Variants in TCN1 observed in about 807,000 individuals in gnomAD.
TCN1 encodes transcobalamin 1.
Under a neutral mutation model 46.3 loss-of-function variants are expected in TCN1, and 47 were observed. The ratio of observed to expected loss-of-function variants is 1.01; its 90% CI spans 0.80 to 1.29. The LOEUF (loss-of-function observed/expected upper bound fraction) is 1.29, where lower values mean the gene tolerates loss of function less well. TCN1 is among the 50% of genes most tolerant of loss of function. The pLI, the probability that TCN1 is intolerant of heterozygous loss-of-function variation, is 0.00. For synonymous variants in TCN1, 183 were observed against 192.5 expected (o/e 0.95, Z 0.41); for missense variants, 532 against 511.0 (o/e 1.04, Z -0.40).
chr11:59,855,269 A>G (rs909027657), intron 6 of TCN1, among the ~76,000 whole-genome samples: 4 of 152,146 alleles, frequency 2.6e-5, no homozygotes, highest in Non-Finnish European at 4.4e-5. Context: ...ACAAAAACCT[A>G]TGTTAGGTAC....
At position 59,866,394 on chromosome 11, in the gene TCN1, C is replaced by T; in HGVS notation, c.77G>A (p.Cys26Tyr). 1.2e-6 allele frequency: 2 copies of T among 1,613,388 alleles called. No homozygotes were observed. Among genetic ancestry groups the T allele is most frequent in the South Asian group, 1.1e-5 (1 of 91,070 alleles). ...SFIPSQLCEI[C>Y]EVSEENYIRL... ...ATTTTAGCTCAAAGTTTACTCACCA[C>T]AAATCTCGCATAGTTGGCTTGGAAT... The change falls in exon 1 of 9, where the codon TGT becomes TAT. Residue 26 changes from cysteine (C) to tyrosine (Y), a missense_variant and splice_region_variant. Transcript: ENST00000257264.
In TCN1 at chr11:59,855,910, A is replaced by G; in HGVS notation, c.896T>C (p.Phe299Ser). 6.2e-7 allele frequency: 1 copy of G among 1,613,866 alleles called. No individual in the cohort carries two copies. Among genetic ancestry groups the G allele is most frequent in the Non-Finnish European group, 8.5e-7 (1 of 1,179,804 alleles). The stretch of plus-strand genomic sequence containing the variant: ...AGAAGAGTCTTTGTTAATATCCAAG[A>G]AGGTCTTTCCCATCAGGGCAGGTAA... ...QVLPALMGKT[F>S]LDINKDSSCV... Residue 299 changes from phenylalanine (F) to serine (S), a missense_variant, in exon 6 of 9, where the codon TTC becomes TCC. By Grantham distance (155) the Phe-to-Ser change is radical. Coordinates refer to ENST00000257264, the MANE Select transcript of TCN1 (RefSeq NM_001062.4).
chr11:59,854,708 A>G lies in TCN1; in HGVS notation c.1065T>C (p.Gly355=). ...TYFTNVTVLN[G]SVFLSVMEKA... is the part of the protein sequence containing the mutation. The stretch of plus-strand genomic sequence containing the variant: ...TCTCCATCACACTGAGGAAGACAGA[A>G]CCATTTAGCACAGTGACATTGGTGA... The change falls in exon 7 of 9, where the codon GGT becomes GGC. Residue 355 remains glycine, a synonymous_variant. Transcript: ENST00000257264. 6.2e-7 allele frequency: 1 copy of G among 1,614,000 alleles called. No individual in the cohort carries two copies. The highest frequency in any genetic ancestry group is 1.3e-5 in the African/African-American group (1 of 75,036).
rs568414573 is a variant in TCN1 at position 59,859,246 on chromosome 11, A to T, written c.578T>A (p.Leu193Gln). Residue 193 changes from leucine (L) to glutamine (Q), a missense_variant, in exon 5 of 9, where the codon CTG becomes CAG. Transcript: ENST00000257264. Reference protein sequence around the residue: ...FSVDTGAMAVLALTCVKKSLI... With the variant: ...FSVDTGAMAVQALTCVKKSLI... ...ACTCTTCTTCACACAGGTCAGAGCC[A>T]GGACAGCCATTGCACCAGTATCTGT... The T allele has an allele frequency of 3.1e-6, 5 of 1,613,956 alleles. No individual in the cohort carries two copies. The highest frequency in any genetic ancestry group is 2.7e-5 in the African/African-American group (2 of 75,066).
rs548081467 is a variant in TCN1 at position 59,864,014 on chromosome 11, C to T, written c.152G>A (p.Gly51Glu). The T allele has an allele frequency of 1.9e-6, 3 of 1,613,946 alleles. No individual in the cohort carries two copies. Among genetic ancestry groups the T allele is most frequent in the East Asian group, 4.5e-5 (2 of 44,878 alleles). Reference sequence around the variant, plus strand: ...CAACACAACATTGACAGCGCTGGTTCCCCTGTTATAGTTTGACTGGATCAT... The same window carrying T: ...CAACACAACATTGACAGCGCTGGTTTCCCTGTTATAGTTTGACTGGATCAT... ...NTMIQSNYNR[G>E]TSAVNVVLSL... Residue 51 changes from glycine (G) to glutamate (E), a missense_variant, in exon 2 of 9, where the codon GGA becomes GAA. Coordinates refer to ENST00000257264, the MANE Select transcript of TCN1 (RefSeq NM_001062.4).
In TCN1 at chr11:59,866,413, T is replaced by A. The variant is rs1590868609; in HGVS notation, c.58A>T (p.Ser20Cys). Residue 20 changes from serine to cysteine, a missense_variant, in exon 1 of 9, where the codon AGC becomes TGC. Coordinates refer to ENST00000257264, the MANE Select transcript of TCN1 (RefSeq NM_001062.4). ...VGLLLFSFIP[S>C]QLCEICEVSE... ...TCACCACAAATCTCGCATAGTTGGC[T>A]TGGAATAAAAGAAAACAGTAAGAGC... 3 of 1,613,532 alleles carry A rather than the reference T, an allele frequency of 1.9e-6. No homozygotes were observed. In the East Asian group the frequency reaches 6.7e-5, roughly 36 times the overall value.
At chr11:59,853,673 G>A (rs1294741332) in intron 7 of TCN1, among the ~76,000 whole-genome samples, 3 of 152,150 alleles carry the variant, frequency 2.0e-5, no homozygotes, top group Non-Finnish European at 2.9e-5. Flanking sequence ...TACTGATTCA[G>A]TAGAAGAACA....
chr11:59,866,017 AG>A lies in TCN1; in HGVS notation c.79+374del, dbSNP rs781702342. Among the ~76,000 whole-genome samples, 23 of 152,150 alleles carry A rather than the reference AG, an allele frequency of 1.5e-4. 1 individual carries two copies. Among genetic ancestry groups the A allele is most frequent in the Admixed American group, 1.2e-3 (19 of 15,264 alleles). On this transcript the variant is annotated intron_variant, in intron 1 of 8. Coordinates refer to ENST00000257264, the MANE Select transcript of TCN1 (RefSeq NM_001062.4). Reference sequence around the variant, plus strand: ...ACCCAAAAATCATGCATTGAATTTCAGGGAAAAAAGATTGCATATCAAGACC... The same window carrying A: ...ACCCAAAAATCATGCATTGAATTTCAGGAAAAAAGATTGCATATCAAGACC...
chr11:59,853,364 A>C (rs752913060), intron 7 of TCN1, 43 bp from the exon 8 acceptor site: 2 of 1,548,228 alleles, frequency 1.3e-6, no homozygotes, highest in Non-Finnish European at 1.8e-6. Flanking sequence ...TAGAATTGTC[A>C]AAGGAAACCA....
In TCN1 at chr11:59,859,244, C is replaced by G. The variant is rs754351048; in HGVS notation, c.580G>C (p.Ala194Pro). Reference sequence around the variant, plus strand: ...AGACTCTTCTTCACACAGGTCAGAGCCAGGACAGCCATTGCACCAGTATCT... The same window carrying G: ...AGACTCTTCTTCACACAGGTCAGAGGCAGGACAGCCATTGCACCAGTATCT... Reference protein sequence around the residue: ...SVDTGAMAVLALTCVKKSLIN... With the variant: ...SVDTGAMAVLPLTCVKKSLIN... Residue 194 changes from alanine (A) to proline (P), a missense_variant, in exon 5 of 9, where the codon GCT becomes CCT. Coordinates refer to ENST00000257264, the MANE Select transcript of TCN1 (RefSeq NM_001062.4). 90 of 1,613,732 alleles carry G rather than the reference C, an allele frequency of 5.6e-5. No homozygotes were observed. Among genetic ancestry groups the G allele is most frequent in the Non-Finnish European group, 7.4e-5 (87 of 1,180,036 alleles).
Position 59,863,921 on chromosome 11 carries a change from T to C in TCN1, c.245A>G (p.Asn82Ser), listed in dbSNP as rs1853044167. The change falls in exon 2 of 9, where the codon AAT becomes AGT. Residue 82 changes from asparagine to serine, a missense_variant. Coordinates refer to ENST00000257264, the MANE Select transcript of TCN1 (RefSeq NM_001062.4). ...MQKMIQQIKY[N>S]VKSRLSDVSS... Reference sequence around the variant, plus strand: ...CAGCAACTTACATCTGCTTTTCACATTGTATTTGATTTGTTGGATCATCTT... The same window carrying C: ...CAGCAACTTACATCTGCTTTTCACACTGTATTTGATTTGTTGGATCATCTT... 2.5e-6 allele frequency: 4 copies of C among 1,613,836 alleles called. No homozygotes were observed. The highest frequency in any genetic ancestry group is 2.5e-6 in the Non-Finnish European group (3 of 1,179,766).
At chr11:59,858,827 G>A (rs1490518744) in intron 5 of TCN1, among the ~76,000 whole-genome samples, 5 of 151,984 alleles carry the variant, frequency 3.3e-5, no homozygotes, top group African/African-American at 9.7e-5. Flanking sequence ...AAAATTAGCC[G>A]GGCGTGGTGG....
At chr11:59,864,908 G>T (rs967949666) in intron 1 of TCN1, among the ~76,000 whole-genome samples, 39 of 152,122 alleles carry the variant, frequency 2.6e-4, no homozygotes, top group African/African-American at 7.2e-4. Context: ...ATGAGGTTTG[G>T]ATTCAGATTT....
At chr11:59,853,913 G>A (rs910514625) in intron 7 of TCN1, among the ~76,000 whole-genome samples, 2 of 151,798 alleles carry the variant, frequency 1.3e-5, no homozygotes, top group African/African-American at 4.9e-5. Context: ...CCTACACTGT[G>A]TTGTTAGATA....
Position 59,862,735 on chromosome 11 carries a change from G to A in TCN1, c.260-13C>T, listed in dbSNP as rs756772892. ...CTTACATCTGACACTGAAAAGAAAA[G>A]TATTCAAGCTTAATAAGGTACAGGC... On this transcript the variant is annotated splice_polypyrimidine_tract_variant and intron_variant, in intron 2 of 8. Transcript: ENST00000257264. 6.2e-7 allele frequency: 1 copy of A among 1,612,864 alleles called. No individual in the cohort carries two copies. The highest frequency in any genetic ancestry group is 1.1e-5 in the South Asian group (1 of 91,068).
intron 7 of TCN1, among the ~76,000 whole-genome samples, chr11:59,854,440 T>C (rs1366885880): frequency 1.3e-5 from 2 of 152,184 alleles, no homozygotes; most frequent in Middle Eastern, 3.2e-3. Flanking sequence ...CATTAATTTA[T>C]TTAGCGAACA....
intron 1 of TCN1, among the ~76,000 whole-genome samples, chr11:59,865,184 C>A (rs1783885868): frequency 6.6e-6 from 1 of 152,020 alleles, no homozygotes; most frequent in Non-Finnish European, 1.5e-5. Context: ...TCAAGAAGAT[C>A]TGAATAGAGT....
At chr11:59,853,389 T>A in intron 7 of TCN1, 68 bp from the exon 8 acceptor site, 1 of 1,381,814 alleles carries the variant, frequency 7.2e-7, no homozygotes, top group Admixed American at 1.7e-5. Flanking sequence ...TAGGCATTTC[T>A]CAAACTTTAA....
rs201304932 is a variant in TCN1, at chr11:59,859,058, G to T, written c.747+19C>A. ...GAGAAGACTCCCTTCTCTGCCTCCTGTTTCACCCTCTGACTTACCTGCATG... is the reference window on the plus strand; with the variant it reads ...GAGAAGACTCCCTTCTCTGCCTCCTTTTTCACCCTCTGACTTACCTGCATG... On this transcript the variant is annotated intron_variant, in intron 5 of 8. Transcript: ENST00000257264. The T allele has an allele frequency of 1.2e-6, 2 of 1,609,558 alleles. No individual in the cohort carries two copies. The highest frequency in any genetic ancestry group is 2.2e-5 in the East Asian group (1 of 44,852).
Sources: allele counts gnomAD v4.1 joint callset (sites outside exome capture counted in the v4.1 genomes callset), GRCh38; gene constraint gnomAD v4.1.1; transcripts MANE v1.5; gene names NCBI Gene and HGNC (gene_info 2026-07-23, HGNC 2026-07-21).